RAB7A: variants seen among roughly 807,000 people sequenced by gnomAD.
RAB7A encodes the protein RAB7A, member RAS oncogene family, also known as ras-related protein Rab-7a.
Under a neutral mutation model 24.5 loss-of-function variants are expected in RAB7A, and 2 were observed. That is an observed-to-expected ratio of 0.08 (90% confidence interval 0.03 to 0.26). The LOEUF is 0.26. RAB7A is among the 10% of genes least tolerant of loss of function. RAB7A has a pLI of 1.00. For synonymous variants in RAB7A, 100 were observed against 95.9 expected (o/e 1.04, Z -0.25); for missense variants, 118 against 255.7 (o/e 0.46, Z 3.67).
intron 1 of RAB7A, among the ~76,000 whole-genome samples, chr3:128,783,894 G>A (rs1933274426): frequency 6.6e-6 from 1 of 152,128 alleles, no homozygotes; most frequent in African/African-American, 2.4e-5. Flanking sequence ...GTTTAGTCTT[G>A]CCTTTGAAAA....
chr3:128,807,485 G>A (rs1933830768), intron 4 of RAB7A, 58 bp from the exon 5 acceptor site: 27 of 1,611,442 alleles, frequency 1.7e-5, no homozygotes, highest in Non-Finnish European at 2.0e-5. Flanking sequence ...TGGGGAGGAT[G>A]GAGTCAGTGC....
chr3:128,771,362 G>A (rs755736594), intron 1 of RAB7A, among the ~76,000 whole-genome samples: 18 of 152,140 alleles, frequency 1.2e-4, no homozygotes, highest in Non-Finnish European at 2.5e-4. Context: ...CTGTAATTGC[G>A]CTGGCTAAAG....
At chr3:128,805,200 T>C (rs914442772) in intron 3 of RAB7A, among the ~76,000 whole-genome samples, 8 of 152,280 alleles carry the variant, frequency 5.3e-5, no homozygotes, top group African/African-American at 1.7e-4. Context: ...ATGTAGAACA[T>C]TGGAGAACCA....
Position 128,814,085 on chromosome 3 carries a change from A to G in RAB7A, c.*663A>G, listed in dbSNP as rs1182736611. Reference sequence around the variant, plus strand: ...TATATGCAACCAATTAAAATGTATAAATTAGTGTAAGAAATTCTTGGATTA... The same window carrying G: ...TATATGCAACCAATTAAAATGTATAGATTAGTGTAAGAAATTCTTGGATTA... On this transcript the variant is annotated 3_prime_UTR_variant, in exon 6 of 6. Coordinates refer to ENST00000265062, the MANE Select transcript of RAB7A (RefSeq NM_004637.6). 6.4e-6 allele frequency: 1 copy of G among 156,836 alleles called. No homozygotes were observed. The highest frequency in any genetic ancestry group is 6.1e-5 in the Admixed American group (1 of 16,332). 9.7% of individuals were successfully genotyped at this position (156,836 alleles called of 1,614,324 possible).
chr3:128,805,812 C>A (rs540025238), intron 3 of RAB7A, among the ~76,000 whole-genome samples: 1 of 152,206 alleles, frequency 6.6e-6, no homozygotes, highest in East Asian at 1.9e-4. Flanking sequence ...ACCACCATGC[C>A]TGGCTAATTT....
intron 3 of RAB7A, among the ~76,000 whole-genome samples, chr3:128,805,093 T>C (rs1933772939): frequency 6.6e-6 from 1 of 152,156 alleles, no homozygotes; most frequent in Non-Finnish European, 1.5e-5. Flanking sequence ...AACTCCTTCC[T>C]GTGTGGGAGG....
At chr3:128,804,115 C>CG (rs146327325) in intron 3 of RAB7A, among the ~76,000 whole-genome samples, 6,528 of 128,244 alleles carry the variant, frequency 0.051, 236 homozygotes, top group African/African-American at 0.13. Context: ...CCTCCCTGGG[C>CG]CCCCCCCCGC....
rs552685949 is a variant in RAB7A, at chr3:128,802,624, C to T, written c.181-3748C>T. Among the ~76,000 whole-genome samples the T allele has an allele frequency of 1.1e-4, 16 of 151,806 alleles. No individual in the cohort carries two copies. In the South Asian group the frequency reaches 3.1e-3, roughly 30 times the overall value. ...CTCCTGGGTTCAAGCAATTCTGCCTCAGCCTCCCGAGTAGCTGGGACTACA... is the reference window on the plus strand; with the variant it reads ...CTCCTGGGTTCAAGCAATTCTGCCTTAGCCTCCCGAGTAGCTGGGACTACA... On this transcript the variant is annotated intron_variant, in intron 3 of 5. Coordinates refer to ENST00000265062, the MANE Select transcript of RAB7A (RefSeq NM_004637.6).
rs563001251 is a variant in RAB7A at position 128,801,871 on chromosome 3, T to TA, written c.180+3812dup. ...AATTCTGTGTAAGTCATAATGAAAT[T>TA]AAAAAAAAAAGACTTAAAAATAGAC... is the stretch of plus-strand genomic sequence containing the variant. On this transcript the variant is annotated intron_variant, in intron 3 of 5. Coordinates refer to ENST00000265062, the MANE Select transcript of RAB7A (RefSeq NM_004637.6). 2.3e-3 allele frequency among the ~76,000 whole-genome samples: 339 copies of TA among 147,446 alleles called. 1 individual carries two copies. The highest frequency in any genetic ancestry group is 4.6e-3 in the African/African-American group (187 of 40,234).
chr3:128,740,826 A>G (rs765733319), intron 1 of RAB7A, among the ~76,000 whole-genome samples: 9 of 145,640 alleles, frequency 6.2e-5, no homozygotes, highest in Non-Finnish European at 1.2e-4. Context: ...ACTTGAGCCC[A>G]GGAGGTTGAG....
chr3:128,753,928 C>A (rs2070708715), intron 1 of RAB7A, among the ~76,000 whole-genome samples: 1 of 152,088 alleles, frequency 6.6e-6, no homozygotes, highest in Non-Finnish European at 1.5e-5. Context: ...GTGAGCCACA[C>A]CTCTTAATCC....
At chr3:128,776,983 CACA>C (rs1559790065) in intron 1 of RAB7A, among the ~76,000 whole-genome samples, 58 of 147,218 alleles carry the variant, frequency 3.9e-4, no homozygotes, top group African/African-American at 6.9e-4. Flanking sequence ...CACACACACA[CACA>C]CCCCTATTAG....
At chr3:128,782,843 T>C (rs1933249740) in intron 1 of RAB7A, among the ~76,000 whole-genome samples, 1 of 152,190 alleles carries the variant, frequency 6.6e-6, no homozygotes, top group African/African-American at 2.4e-5. Flanking sequence ...CTTATTGTTG[T>C]TGCTGCTTCA....
At chr3:128,801,536 C>T (rs892349895) in intron 3 of RAB7A, among the ~76,000 whole-genome samples, 8 of 54,418 alleles carry the variant, frequency 1.5e-4, no homozygotes, top group Admixed American at 3.6e-4. Flanking sequence ...AGGGAAGAAA[C>T]GAAACAGTTA....
chr3:128,791,621 TC>T (rs1408496956), intron 1 of RAB7A, among the ~76,000 whole-genome samples: 1 of 152,184 alleles, frequency 6.6e-6, no homozygotes, highest in Non-Finnish European at 1.5e-5. Context: ...TGGTAAAATG[TC>T]CCCTGGTTGG....
At position 128,775,368 on chromosome 3, in the gene RAB7A, C is replaced by G. The variant is rs1285006405; in HGVS notation, c.-8-19992C>G. On this transcript the variant is annotated intron_variant, in intron 1 of 5. Coordinates refer to ENST00000265062, the MANE Select transcript of RAB7A (RefSeq NM_004637.6). The stretch of plus-strand genomic sequence containing the variant: ...TCCGTTAGTCTCCACCCTTCCTCCA[C>G]TAGCAGAGAAGAGGACACATTTGCC... Among the ~76,000 whole-genome samples the G allele has an allele frequency of 2.6e-5, 4 of 152,340 alleles. 1 individual carries two copies. The South Asian group carries it at 8.3e-4, about 32-fold the overall frequency.
chr3:128,737,832 T>TTTTTG (rs2070507237), intron 1 of RAB7A, among the ~76,000 whole-genome samples: 1 of 71,306 alleles, frequency 1.4e-5, no homozygotes, highest in African/African-American at 6.2e-5. Flanking sequence ...GTAGTTTTTT[T>TTTTTG]TTTTTTTTTT....
At chr3:128,783,410 C>G (rs76053926) in intron 1 of RAB7A, among the ~76,000 whole-genome samples, 1,912 of 152,100 alleles carry the variant, frequency 0.013, 40 homozygotes, top group African/African-American at 0.044. Flanking sequence ...CTCACCTGCC[C>G]CCTCCAGATG....
intron 1 of RAB7A, among the ~76,000 whole-genome samples, chr3:128,741,925 G>A (rs913579280): frequency 4.6e-5 from 7 of 151,822 alleles, no homozygotes; most frequent in Middle Eastern, 3.4e-3. Context: ...AGGCTCAGGC[G>A]ATCCTCCCAC....
Sources: allele counts gnomAD v4.1 joint callset (sites outside exome capture counted in the v4.1 genomes callset), GRCh38; gene constraint gnomAD v4.1.1; transcripts MANE v1.5; gene names NCBI Gene and HGNC (gene_info 2026-07-23, HGNC 2026-07-21).